The following SNX7 variants were observed in gnomAD, a reference collection of about 807,000 sequenced individuals.
SNX7 encodes the protein sorting nexin-7.
SNX7 carries 35 observed loss-of-function variants against 48.4 expected under a neutral mutation model. The observed-to-expected ratio is 0.72, with a 90% confidence interval of 0.55 to 0.96. The LOEUF is 0.96. SNX7 is among the 40% of genes least tolerant of loss of function. The pLI, the probability that SNX7 is intolerant of heterozygous loss-of-function variation, is 0.00. For synonymous variants in SNX7, 190 were observed against 190.2 expected, an observed-to-expected ratio of 1.00 and a Z score of 0.01; for missense variants, 553 against 548.9, an observed-to-expected ratio of 1.01 and a Z score of -0.07.
At chr1:98,688,706 T>C (rs1321778198) in intron 2 of SNX7, among the ~76,000 whole-genome samples, 1 of 152,186 alleles carries the variant, frequency 6.6e-6, no homozygotes, top group East Asian at 1.9e-4. Flanking sequence ...ATACCCAAGC[T>C]TTTATGGTCA....
chr1:98,665,209 A>G (rs893758591), intron 1 of SNX7, among the ~76,000 whole-genome samples: 2 of 152,206 alleles, frequency 1.3e-5, no homozygotes, highest in African/African-American at 4.8e-5. Context: ...TGAGATATAT[A>G]TCATCTAGGA....
At chr1:98,667,909 G>GA (rs1491559573) in intron 1 of SNX7, among the ~76,000 whole-genome samples, 4 of 149,956 alleles carry the variant, frequency 2.7e-5, no homozygotes, top group African/African-American at 7.4e-5. Context: ...TGATGATTAG[G>GA]AAAAAAAAAA....
At chr1:98,693,299 G>GT (rs1281835244) in intron 4 of SNX7, among the ~76,000 whole-genome samples, 2 of 152,116 alleles carry the variant, frequency 1.3e-5, no homozygotes, top group East Asian at 1.9e-4. Flanking sequence ...CATTCTACTT[G>GT]TTTTTTCTTT....
chr1:98,738,596 T>C (rs944100754), intron 8 of SNX7, among the ~76,000 whole-genome samples: 3 of 152,212 alleles, frequency 2.0e-5, no homozygotes, highest in African/African-American at 7.2e-5. Context: ...CAAAAGCATT[T>C]GATAATGCTT....
intron 8 of SNX7, among the ~76,000 whole-genome samples, chr1:98,758,438 A>G (rs766910379): frequency 2.0e-5 from 3 of 151,942 alleles, no homozygotes; most frequent in Non-Finnish European, 4.4e-5. Flanking sequence ...CCTATGAGAG[A>G]GGCTATTATT....
At chr1:98,749,099 CAAT>C (rs1485492726) in intron 8 of SNX7, among the ~76,000 whole-genome samples, 1 of 152,030 alleles carries the variant, frequency 6.6e-6, no homozygotes, top group African/African-American at 2.4e-5. Flanking sequence ...AAGTAAACAA[CAAT>C]GATGTGGTAT....
At chr1:98,695,426 T>G in intron 4 of SNX7, 92 bp from the exon 5 acceptor site, 1 of 1,228,952 alleles carries the variant, frequency 8.1e-7, no homozygotes, top group Non-Finnish European at 1.2e-6. Context: ...CATTTTATCT[T>G]GATTTTATTC....
intron 1 of SNX7, among the ~76,000 whole-genome samples, chr1:98,672,932 A>AAG: frequency 1.5e-5 from 1 of 66,366 alleles, no homozygotes. Context: ...CTCCGTCTCA[A>AAG]AAAAAAAAAA....
At chr1:98,699,333 G>A (rs757407772) in intron 6 of SNX7, among the ~76,000 whole-genome samples, 1 of 152,190 alleles carries the variant, frequency 6.6e-6, no homozygotes, top group Admixed American at 6.5e-5. Flanking sequence ...GGATCTTGAT[G>A]TTCTGCCTTC....
At chr1:98,702,881 C>G (rs1651822150) in intron 7 of SNX7, among the ~76,000 whole-genome samples, 1 of 151,990 alleles carries the variant, frequency 6.6e-6, no homozygotes, top group African/African-American at 2.4e-5. Context: ...ATATTGAGTG[C>G]ACTTACATCA....
At chr1:98,690,501 A>C (rs923265168) in intron 2 of SNX7, among the ~76,000 whole-genome samples, 6 of 152,118 alleles carry the variant, frequency 3.9e-5, no homozygotes, top group African/African-American at 1.4e-4. Context: ...TTTTCTTTTC[A>C]CATCAAATGT....
chr1:98,722,613 A>G (rs1652942466), intron 7 of SNX7, among the ~76,000 whole-genome samples: 2 of 152,090 alleles, frequency 1.3e-5, no homozygotes, highest in African/African-American at 2.4e-5. Context: ...AATTTTTAGC[A>G]TTTGAATAAA....
chr1:98,697,678 A>G (rs1202278064), intron 5 of SNX7, among the ~76,000 whole-genome samples: 1 of 152,168 alleles, frequency 6.6e-6, no homozygotes, highest in Non-Finnish European at 1.5e-5. Context: ...TAGAAAAATA[A>G]TAAGACTCAG....
In SNX7 at chr1:98,748,637, A is replaced by AACACACACACAC. The variant is rs58973289; in HGVS notation, c.1278+10273_1278+10284dup. Among the ~76,000 whole-genome samples the AACACACACACAC allele has an allele frequency of 8.9e-3, 1,302 of 145,872 alleles. 20 individuals are homozygous for AACACACACACAC. Among genetic ancestry groups the AACACACACACAC allele is most frequent in the East Asian group, 0.07 (340 of 4,846 alleles). On this transcript the variant is annotated intron_variant, in intron 8 of 8. Transcript: ENST00000306121. ...GTATAGAAAAGGAAGAAATGATTTA[A>AACACACACACAC]ACACACACACACACACACACACACA...
rs138752013 is a variant in SNX7 at position 98,669,571 on chromosome 1, A to G, written c.180+7660A>G. The stretch of plus-strand genomic sequence containing the variant: ...CTGTTACATCACCTGGGAGCTGGTT[A>G]CAAATGCAGTCTCAGACCCCAGTGA... On this transcript the variant is annotated intron_variant, in intron 1 of 8. Transcript: ENST00000306121. Among the ~76,000 whole-genome samples, 82 of 152,332 alleles carry G rather than the reference A, an allele frequency of 5.4e-4. No individual in the cohort carries two copies. The East Asian group carries it at 0.015, about 29-fold the overall frequency.
intron 7 of SNX7, among the ~76,000 whole-genome samples, chr1:98,715,247 C>A (rs4314898): frequency 0.94 from 143,256 of 152,186 alleles, 67,790 homozygotes; most frequent in Non-Finnish European, 0.99. Context: ...TATTTTGTAG[C>A]ATGCCTCCTA....
chr1:98,679,954 A>G (rs192245350), intron 1 of SNX7, among the ~76,000 whole-genome samples: 32 of 152,290 alleles, frequency 2.1e-4, no homozygotes, highest in South Asian at 6.2e-4. Context: ...TCACAGCTCC[A>G]CTAGGTGGTG....
intron 1 of SNX7, among the ~76,000 whole-genome samples, chr1:98,669,171 G>C (rs1401517331): frequency 2.6e-5 from 4 of 152,124 alleles, no homozygotes; most frequent in Non-Finnish European, 5.9e-5. Context: ...TAGGTGTCCA[G>C]GATAAAATCC....
chr1:98,668,332 C>G (rs184039751), intron 1 of SNX7, among the ~76,000 whole-genome samples: 14 of 152,300 alleles, frequency 9.2e-5, no homozygotes, highest in African/African-American at 3.4e-4. Flanking sequence ...TAAATTTGAA[C>G]TCTCCATGCC....
Sources: gnomAD v4.1 joint callset for allele counts (sites outside exome capture counted in the v4.1 genomes callset) on GRCh38, gnomAD v4.1.1 for gene constraint, MANE v1.5 for transcripts, NCBI Gene and HGNC (gene_info 2026-07-23, HGNC 2026-07-21) for gene names.